MYO5B: variants seen among roughly 807,000 people sequenced by gnomAD.
The protein encoded by MYO5B is myosin VB, also known as unconventional myosin-Vb.
MYO5B carries 143 observed loss-of-function variants against 229.3 expected under a neutral mutation model. That is an observed-to-expected ratio of 0.62 (90% confidence interval 0.54 to 0.72). The LOEUF (loss-of-function observed/expected upper bound fraction) is 0.72. MYO5B is among the 30% of genes least tolerant of loss of function. The pLI is 0.00. For synonymous variants in MYO5B, 918 were observed against 885.2 expected, an observed-to-expected ratio of 1.04 and a Z score of -0.66; for missense variants, 2,321 against 2,331.0, an observed-to-expected ratio of 1.00 and a Z score of 0.09.
In MYO5B at chr18:49,983,527, C is replaced by A. The variant is rs150399110; in HGVS notation, c.946+1191G>T. On this transcript the variant is annotated intron_variant, in intron 8 of 39. Transcript: ENST00000285039. Reference sequence around the variant, plus strand: ...AAGCTCAGCTAGGATGGAGGCCTCTCTTACCTTTATTGGCTGTTCTTCCCC... The same window carrying A: ...AAGCTCAGCTAGGATGGAGGCCTCTATTACCTTTATTGGCTGTTCTTCCCC... Among the ~76,000 whole-genome samples the A allele has an allele frequency of 2.0e-5, 3 of 152,344 alleles. No individual in the cohort carries two copies. In the East Asian group the frequency reaches 5.8e-4, roughly 29 times the overall value.
chr18:49,859,293 T>C (rs1362372270), intron 29 of MYO5B, among the ~76,000 whole-genome samples: 1 of 152,252 alleles, frequency 6.6e-6, no homozygotes, highest in East Asian at 1.9e-4. Flanking sequence ...CAAAGGTTTC[T>C]TCCAGATCTT....
chr18:49,926,503 T>C (rs1451461901), intron 17 of MYO5B, among the ~76,000 whole-genome samples: 1 of 152,188 alleles, frequency 6.6e-6, no homozygotes, highest in Non-Finnish European at 1.5e-5. Context: ...GCTACACTGT[T>C]CAGCTCAGCT....
intron 1 of MYO5B, among the ~76,000 whole-genome samples, chr18:50,188,325 A>G (rs1257187911): frequency 6.6e-6 from 1 of 152,184 alleles, no homozygotes; most frequent in Non-Finnish European, 1.5e-5. Context: ...CTTTCCCGCA[A>G]TACTGTAGCC....
intron 1 of MYO5B, among the ~76,000 whole-genome samples, chr18:50,056,768 T>TTA (rs2030561152): frequency 1.3e-5 from 2 of 150,458 alleles, no homozygotes; most frequent in Admixed American, 6.7e-5. Flanking sequence ...TTTTTTTTTT[T>TTA]AAAGCAAGAT....
chr18:49,838,994 C>T, intron 36 of MYO5B, 150 bp downstream of exon 36: 2 of 910,710 alleles, frequency 2.2e-6, no homozygotes, highest in South Asian at 1.3e-5. Context: ...ATGATGTGCA[C>T]ACCTCAGTTC....
intron 1 of MYO5B, among the ~76,000 whole-genome samples, chr18:50,144,104 G>A (rs181913099): frequency 6.6e-6 from 1 of 152,136 alleles, no homozygotes; most frequent in African/African-American, 2.4e-5. Context: ...ACAGAGACCA[G>A]AGGATCAAGG....
At chr18:50,177,360 A>G (rs1292065559) in intron 1 of MYO5B, among the ~76,000 whole-genome samples, 1 of 152,244 alleles carries the variant, frequency 6.6e-6, no homozygotes, top group Non-Finnish European at 1.5e-5. Context: ...GGTGGCAGCT[A>G]CAATAATCAA....
chr18:50,090,706 T>C (rs991931391), intron 1 of MYO5B, among the ~76,000 whole-genome samples: 1 of 152,200 alleles, frequency 6.6e-6, no homozygotes. Flanking sequence ...CTAGCACTTT[T>C]GTACCAAAGT....
At chr18:49,921,648 T>C (rs776736129) in intron 17 of MYO5B, among the ~76,000 whole-genome samples, 11 of 152,230 alleles carry the variant, frequency 7.2e-5, no homozygotes, top group Non-Finnish European at 1.2e-4. Flanking sequence ...CGGCAGCTAC[T>C]GCTGTCCTGC....
intron 4 of MYO5B, among the ~76,000 whole-genome samples, chr18:50,033,900 T>A (rs750504184): frequency 1.4e-5 from 2 of 140,402 alleles, no homozygotes; most frequent in Non-Finnish European, 3.1e-5. Context: ...AGCAGTTCTC[T>A]CCTGGAACTC....
intron 6 of MYO5B, 81 bp downstream of exon 6, chr18:49,992,207 G>A: frequency 5.1e-6 from 8 of 1,568,700 alleles, no homozygotes; most frequent in Non-Finnish European, 7.0e-6. Flanking sequence ...TTCTCTTTGG[G>A]TCCAGGGAGT....
At position 49,837,549 on chromosome 18, in the gene MYO5B, G is replaced by A. The variant is rs200907103; in HGVS notation, c.5106C>T (p.Asp1702=). 8.1e-6 allele frequency: 13 copies of A among 1,613,944 alleles called. No homozygotes were observed. The highest frequency in any genetic ancestry group is 3.3e-5 in the South Asian group (3 of 91,068). Residue 1702 remains aspartate (D), a synonymous_variant, in exon 37 of 40, where the codon GAC becomes GAT. Coordinates refer to ENST00000285039, the MANE Select transcript of MYO5B (RefSeq NM_001080467.3). ...GCATGCCTGTGCTCCAAGAGCAGAC[G>A]TCCTTCCGCAAGAGCAGGTTGTTAA... The part of the protein sequence containing the change: ...VTLNNLLLRK[D]VCSWSTGMQL...
chr18:50,039,209 GC>G (rs2029927376), intron 3 of MYO5B, among the ~76,000 whole-genome samples: 1 of 152,110 alleles, frequency 6.6e-6, no homozygotes, highest in African/African-American at 2.4e-5. Flanking sequence ...TCCTCAATTT[GC>G]CTCTCAAACA....
intron 17 of MYO5B, among the ~76,000 whole-genome samples, chr18:49,927,445 C>T (rs1233108433): frequency 2.9e-5 from 4 of 138,892 alleles, no homozygotes; most frequent in Non-Finnish European, 5.9e-5. Context: ...AAAAACAAAA[C>T]AAAACAAAAC....
At chr18:50,164,444 T>A (rs991918089) in intron 1 of MYO5B, among the ~76,000 whole-genome samples, 1 of 152,218 alleles carries the variant, frequency 6.6e-6, no homozygotes, top group East Asian at 1.9e-4. Context: ...GTAACTGACA[T>A]CTGTGACCAT....
chr18:49,990,649 C>T, intron 6 of MYO5B, 129 bp from the exon 7 acceptor site: 1 of 727,980 alleles, frequency 1.4e-6, no homozygotes, highest in Non-Finnish European at 2.5e-6. Context: ...TTTTCCTCCA[C>T]ACCTCTGCCA....
At chr18:49,932,010 T>C (rs572754029) in intron 16 of MYO5B, among the ~76,000 whole-genome samples, 1 of 152,326 alleles carries the variant, frequency 6.6e-6, no homozygotes, top group South Asian at 2.1e-4. Context: ...CAGGAGCATC[T>C]GGGACCCTTA....
rs1208961660 is a variant in MYO5B, at chr18:49,980,544, TC to T, written c.955del (p.Glu319SerfsTer5). 1 of 1,610,742 alleles carries T rather than the reference TC, an allele frequency of 6.2e-7. No individual in the cohort carries two copies. Among genetic ancestry groups the T allele is most frequent in the Non-Finnish European group, 8.5e-7 (1 of 1,176,996 alleles). On this transcript the variant is annotated frameshift_variant, in exon 9 of 40. Coordinates refer to ENST00000285039, the MANE Select transcript of MYO5B (RefSeq NM_001080467.3). LOFTEE classifies it high-confidence loss of function. The stretch of plus-strand genomic sequence containing the variant: ...CTTAAAAATGCTCATCTGATGGGAC[TC>T]TTTCACTCCTGGAAAAGAAAAATGA... Reference protein sequence around the residue: ...RQAFTLLGVKESHQMSIFKII... With the variant: ...RQAFTLLGVKXSHQMSIFKII...
At chr18:50,061,933 G>A (rs1450049610) in intron 1 of MYO5B, among the ~76,000 whole-genome samples, 1 of 152,166 alleles carries the variant, frequency 6.6e-6, no homozygotes, top group Non-Finnish European at 1.5e-5. Flanking sequence ...GAATTAGGTT[G>A]AGCAGGGTTA....
Sources: allele counts gnomAD v4.1 joint callset (sites outside exome capture counted in the v4.1 genomes callset), GRCh38; gene constraint gnomAD v4.1.1; transcripts MANE v1.5; gene names NCBI Gene and HGNC (gene_info 2026-07-23, HGNC 2026-07-21).